ZNF644: variants seen among roughly 807,000 people sequenced by gnomAD.
ZNF644 encodes the protein zinc finger motif enhancer binding protein 2.
In ZNF644, 20 loss-of-function variants were observed where a neutral mutation model predicts 108.0. The ratio of observed to expected loss-of-function variants is 0.19; its 90% confidence interval spans 0.13 to 0.27. The LOEUF (loss-of-function observed/expected upper bound fraction) is 0.27. Ranked by LOEUF, ZNF644 falls within the 10% of genes least tolerant of loss-of-function variation. ZNF644 has a pLI of 1.00. For synonymous variants in ZNF644, 542 were observed against 539.1 expected (o/e 1.01, Z -0.08); for missense variants, 1,338 against 1,548.9 (o/e 0.86, Z 2.29).
chr1:90,939,896 T>C lies in ZNF644; in HGVS notation c.1458A>G (p.Glu486=). 6.2e-7 allele frequency: 1 copy of C among 1,614,096 alleles called. No homozygotes were observed. Among genetic ancestry groups the C allele is most frequent in the Middle Eastern group, 1.6e-4 (1 of 6,062 alleles). ...KLMEEIRELK[E]LQDEGRSARL... Reference sequence around the variant, plus strand: ...GTGCACTTCTTCCTTCATCCTGAAGTTCTTTCAATTCACGAATTTCCTCCA... The same window carrying C: ...GTGCACTTCTTCCTTCATCCTGAAGCTCTTTCAATTCACGAATTTCCTCCA... The change falls in exon 3 of 6, where the codon GAA becomes GAG. Residue 486 remains glutamate (E), a synonymous_variant. Coordinates refer to ENST00000337393, the MANE Select transcript of ZNF644 (RefSeq NM_201269.3).
chr1:90,976,943 A>G (rs969961014), intron 2 of ZNF644, among the ~76,000 whole-genome samples: 12 of 152,216 alleles, frequency 7.9e-5, no homozygotes, highest in African/African-American at 2.9e-4. Context: ...ATTTGTAAAA[A>G]TAACTCAGAG....
chr1:90,928,019 A>G (rs576547805), intron 4 of ZNF644, among the ~76,000 whole-genome samples: 1 of 140,256 alleles, frequency 7.1e-6, no homozygotes, highest in African/African-American at 2.7e-5. Flanking sequence ...ACTTTTTCGT[A>G]TTTTTTAGTA....
chr1:91,013,159 C>T (rs781141355), intron 1 of ZNF644, among the ~76,000 whole-genome samples: 60 of 151,996 alleles, frequency 3.9e-4, no homozygotes, highest in Non-Finnish European at 5.9e-5. Flanking sequence ...CTGCAACCTC[C>T]GCCTCTCATG....
intron 1 of ZNF644, among the ~76,000 whole-genome samples, chr1:91,002,070 G>A (rs1658896286): frequency 1.3e-5 from 2 of 152,266 alleles, no homozygotes; most frequent in South Asian, 4.1e-4. Flanking sequence ...TCATGGATAG[G>A]AAGAATCAGT....
chr1:90,927,638 G>A (rs1163506861), intron 4 of ZNF644, among the ~76,000 whole-genome samples: 1 of 150,346 alleles, frequency 6.7e-6, no homozygotes, highest in Non-Finnish European at 1.5e-5. Context: ...ATACGTTACT[G>A]TGCAGATAAA....
At chr1:90,962,854 C>T (rs1654469151) in intron 2 of ZNF644, among the ~76,000 whole-genome samples, 1 of 152,078 alleles carries the variant, frequency 6.6e-6, no homozygotes, top group Admixed American at 6.6e-5. Context: ...AGCATAGTTT[C>T]TGAGCCTAAG....
At chr1:90,935,337 C>A (rs1042091188) in intron 4 of ZNF644, 1 of 982,622 alleles carries the variant, frequency 1.0e-6, no homozygotes, top group Non-Finnish European at 1.2e-6. Context: ...TCTGAATTAA[C>A]ACCAGTCTGG....
chr1:90,990,914 GAGA>G (rs998974975), intron 1 of ZNF644, among the ~76,000 whole-genome samples: 6 of 152,150 alleles, frequency 3.9e-5, no homozygotes, highest in Non-Finnish European at 4.4e-5. Flanking sequence ...GAACGTGGTG[GAGA>G]AGAACTACAA....
rs573618528 is a variant in ZNF644, at chr1:90,938,462, C to A, written c.2892G>T (p.Ser964=). 2 of 1,613,920 alleles carry A rather than the reference C, an allele frequency of 1.2e-6. No individual in the cohort carries two copies. The highest frequency in any genetic ancestry group is 1.7e-6 in the Non-Finnish European group (2 of 1,179,910). The change falls in exon 3 of 6, where the codon TCG becomes TCT. Residue 964 remains serine, a synonymous_variant. Transcript: ENST00000337393. The surrounding 1 kb of genome is among the most constrained non-coding windows in gnomAD (Gnocchi z 4.2). The stretch of plus-strand genomic sequence containing the variant: ...CAAATGTTGCTGGGCAGTAAGGACA[C>A]GATTTCTTCTCAAGAGACAAATCAG... The part of the protein sequence containing the change: ...HWTDLSLEKK[S]CPYCPATFET...
chr1:90,924,439 C>T (rs1401445880), intron 4 of ZNF644, among the ~76,000 whole-genome samples: 1 of 152,104 alleles, frequency 6.6e-6, no homozygotes, highest in Admixed American at 6.6e-5. Context: ...AAAATAATCA[C>T]AGTCCCTGCC....
intron 1 of ZNF644, among the ~76,000 whole-genome samples, chr1:90,986,297 A>G (rs980549150): frequency 6.6e-6 from 1 of 151,794 alleles, no homozygotes; most frequent in Non-Finnish European, 1.5e-5. Context: ...ATATTCCTCA[A>G]AACTGTTAAG....
chr1:90,920,798 C>T (rs892135852), intron 4 of ZNF644, among the ~76,000 whole-genome samples: 5 of 151,966 alleles, frequency 3.3e-5, no homozygotes, highest in African/African-American at 9.7e-5. Flanking sequence ...TCCCTAGAAA[C>T]TTATTCACAA....
intron 1 of ZNF644, among the ~76,000 whole-genome samples, chr1:90,986,582 G>T (rs969415813): frequency 6.6e-6 from 1 of 151,900 alleles, no homozygotes; most frequent in Non-Finnish European, 1.5e-5. Flanking sequence ...TAGAATATGG[G>T]AACAGTATAC....
chr1:91,010,667 G>C (rs1006066762), intron 1 of ZNF644, among the ~76,000 whole-genome samples: 2 of 151,622 alleles, frequency 1.3e-5, no homozygotes, highest in Non-Finnish European at 2.9e-5. Context: ...ATTTTATTTT[G>C]TCAGCTCAGT....
intron 1 of ZNF644, among the ~76,000 whole-genome samples, chr1:90,996,602 T>C (rs1159216923): frequency 6.6e-6 from 1 of 152,136 alleles, no homozygotes; most frequent in Non-Finnish European, 1.5e-5. Context: ...CTGGGCAACA[T>C]GGTGGTACCC....
At chr1:90,970,561 C>T (rs2101277705) in intron 2 of ZNF644, among the ~76,000 whole-genome samples, 1 of 152,226 alleles carries the variant, frequency 6.6e-6, no homozygotes, top group African/African-American at 2.4e-5. Context: ...AATGTTCAGT[C>T]CCCTTCTGAA....
chr1:90,969,237 T>C (rs1275246700), intron 2 of ZNF644, among the ~76,000 whole-genome samples: 1 of 152,122 alleles, frequency 6.6e-6, no homozygotes, highest in Non-Finnish European at 1.5e-5. Context: ...AGGATGGGCA[T>C]GCACTGAGAA....
At chr1:90,969,382 G>A (rs1416296010) in intron 2 of ZNF644, among the ~76,000 whole-genome samples, 1 of 152,166 alleles carries the variant, frequency 6.6e-6, no homozygotes, top group East Asian at 1.9e-4. Context: ...AATTTCTATT[G>A]TTTAGGCTAC....
intron 5 of ZNF644, among the ~76,000 whole-genome samples, chr1:90,917,417 A>G (rs535153690): frequency 5.3e-5 from 8 of 152,354 alleles, no homozygotes; most frequent in African/African-American, 1.7e-4. Context: ...TGTGTTCCCA[A>G]TAAGCGAGAA....
Sources: gnomAD v4.1 joint callset for allele counts (sites outside exome capture counted in the v4.1 genomes callset) on GRCh38, gnomAD v4.1.1 for gene constraint, Gnocchi (gnomAD v3.1) non-coding constraint, MANE v1.5 for transcripts, NCBI Gene and HGNC (gene_info 2026-07-23, HGNC 2026-07-21) for gene names.